CAMK4: variants seen among roughly 807,000 people sequenced by gnomAD.
CAMK4 encodes calcium/calmodulin-dependent protein kinase type IV.
In CAMK4, 22 loss-of-function variants were observed where a neutral mutation model predicts 44.9. That is an observed-to-expected ratio of 0.49 (90% confidence interval 0.35 to 0.70). The LOEUF is 0.70. CAMK4 is among the 30% of genes least tolerant of loss of function. CAMK4 has a pLI of 0.01. For missense variants in CAMK4, 498 were observed against 586.8 expected (o/e 0.85, Z 1.56); for synonymous variants, 218 against 215.4 (o/e 1.01, Z -0.11).
intron 5 of CAMK4, among the ~76,000 whole-genome samples, chr5:111,446,161 G>C (rs1754020925): frequency 6.6e-6 from 1 of 152,198 alleles, no homozygotes; most frequent in African/African-American, 2.4e-5. Context: ...GCCTATGAGT[G>C]CATCCATCAT....
chr5:111,233,708 G>A (rs1168261337), intron 1 of CAMK4, among the ~76,000 whole-genome samples: 2 of 152,106 alleles, frequency 1.3e-5, no homozygotes, highest in African/African-American at 4.8e-5. Context: ...CCATTTGCTA[G>A]TATTAGCTGT....
At chr5:111,296,516 T>G (rs903273058) in intron 1 of CAMK4, among the ~76,000 whole-genome samples, 2 of 152,244 alleles carry the variant, frequency 1.3e-5, no homozygotes, top group Non-Finnish European at 2.9e-5. Context: ...TTTTTTACAT[T>G]TATTTAAATT....
At chr5:111,231,582 T>C (rs989616781) in intron 1 of CAMK4, among the ~76,000 whole-genome samples, 2 of 152,236 alleles carry the variant, frequency 1.3e-5, no homozygotes, top group African/African-American at 4.8e-5. Flanking sequence ...ATTGATAGAT[T>C]ATGTTAATTT....
At chr5:111,332,099 C>G (rs1749191427) in intron 1 of CAMK4, among the ~76,000 whole-genome samples, 1 of 151,514 alleles carries the variant, frequency 6.6e-6, no homozygotes, top group East Asian at 2.0e-4. Context: ...TATTATTATA[C>G]TTTAAGTTTT....
chr5:111,363,054 A>G lies in CAMK4; in HGVS notation c.241-11796A>G, dbSNP rs1366180. 7.6e-3 allele frequency among the ~76,000 whole-genome samples: 1,156 copies of G among 152,228 alleles called. 5 individuals are homozygous for G. Among genetic ancestry groups the G allele is most frequent in the Non-Finnish European group, 0.013 (894 of 68,000 alleles). ...ACGGGATTTCTATCTGGCAGCTATA[A>G]AAGCTCTATAGCCTGAAATGGGGGA... On this transcript the variant is annotated intron_variant, in intron 2 of 10. Transcript: ENST00000282356.
intron 7 of CAMK4, among the ~76,000 whole-genome samples, chr5:111,470,693 A>G (rs148761663): frequency 2.5e-4 from 38 of 152,316 alleles, no homozygotes; most frequent in African/African-American, 8.2e-4. Context: ...ATAAAGAAAC[A>G]AAAAGAAGTC....
chr5:111,413,531 C>T (rs989926152), intron 5 of CAMK4, among the ~76,000 whole-genome samples: 1 of 150,808 alleles, frequency 6.6e-6, no homozygotes, highest in Non-Finnish European at 1.5e-5. Flanking sequence ...GAGCCAAGAT[C>T]GTGCCACTGC....
At chr5:111,434,603 G>C (rs1161236002) in intron 5 of CAMK4, among the ~76,000 whole-genome samples, 1 of 152,128 alleles carries the variant, frequency 6.6e-6, no homozygotes, top group Non-Finnish European at 1.5e-5. Flanking sequence ...GCTGGTCATG[G>C]GAGATAGTAG....
At chr5:111,420,172 T>A (rs1035810626) in intron 5 of CAMK4, among the ~76,000 whole-genome samples, 1 of 151,620 alleles carries the variant, frequency 6.6e-6, no homozygotes, top group Admixed American at 6.6e-5. Context: ...CCTTGTAAGT[T>A]GGATTCCTAG....
intron 1 of CAMK4, among the ~76,000 whole-genome samples, chr5:111,310,151 T>C (rs1460851750): frequency 1.3e-5 from 2 of 151,424 alleles, no homozygotes; most frequent in African/African-American, 4.9e-5. Context: ...TTAACTGTGC[T>C]CCTCCGTCAT....
intron 2 of CAMK4, among the ~76,000 whole-genome samples, chr5:111,353,536 A>T (rs893300776): frequency 6.6e-6 from 1 of 152,144 alleles, no homozygotes; most frequent in African/African-American, 2.4e-5. Context: ...GCAGCATTTA[A>T]ATGAGAATTC....
rs1232533374 is a variant in CAMK4, at chr5:111,492,519, G to A, written c.*8053G>A. On this transcript the variant is annotated 3_prime_UTR_variant, in exon 11 of 11. Transcript: ENST00000282356. ...CCCTGCCCATCTTCTTGATTGCTCA[G>A]TTTGAAGACGATCATTGATGGACAA... 6.6e-6 allele frequency: 1 copy of A among 152,164 alleles called. No individual in the cohort carries two copies. Among genetic ancestry groups the A allele is most frequent in the Non-Finnish European group, 1.5e-5 (1 of 68,024 alleles). 9.4% of individuals were successfully genotyped at this position (152,164 alleles called of 1,614,324 possible). A position where few individuals can be genotyped will look rare whatever the true frequency, so the allele number is the denominator to read the frequency against.
rs1755561105 is a variant in CAMK4, at chr5:111,484,906, A to AT, written c.*444dup. On this transcript the variant is annotated 3_prime_UTR_variant, in exon 11 of 11. Transcript: ENST00000282356. The surrounding 1 kb of genome is among the most constrained non-coding windows in gnomAD (Gnocchi z 5.3). ...GACATGTTCCCATAACTTTTACAAC[A>AT]TTTTACTTTTTATCATTGATGTGTT... 1 of 152,994 alleles carries AT rather than the reference A, an allele frequency of 6.5e-6. No individual in the cohort carries two copies. Among genetic ancestry groups the AT allele is most frequent in the African/African-American group, 2.4e-5 (1 of 41,484 alleles). The allele number at this position is 152,994 out of a possible 1,614,324, so 9.5% of individuals were successfully genotyped here.
At chr5:111,280,199 G>GA (rs1750951186) in intron 1 of CAMK4, among the ~76,000 whole-genome samples, 1 of 151,644 alleles carries the variant, frequency 6.6e-6, no homozygotes, top group Non-Finnish European at 1.5e-5. Flanking sequence ...GGATTATTTT[G>GA]AAACAGAACA....
At chr5:111,240,323 A>G (rs555429374) in intron 1 of CAMK4, among the ~76,000 whole-genome samples, 2 of 152,046 alleles carry the variant, frequency 1.3e-5, no homozygotes, top group East Asian at 1.9e-4. Context: ...AAAAAAACCC[A>G]TAAGTAGTAA....
At chr5:111,273,895 T>C (rs1031918755) in intron 1 of CAMK4, among the ~76,000 whole-genome samples, 1 of 151,648 alleles carries the variant, frequency 6.6e-6, no homozygotes, top group African/African-American at 2.4e-5. Flanking sequence ...TTAGTCTGTG[T>C]GTCCTGCAGG....
chr5:111,379,934 G>T (rs1236662941), intron 4 of CAMK4, among the ~76,000 whole-genome samples: 2 of 151,936 alleles, frequency 1.3e-5, no homozygotes, highest in East Asian at 1.9e-4. Context: ...AGAAATTTTG[G>T]AATAAAATCC....
chr5:111,466,550 A>C (rs1754842439), intron 7 of CAMK4, among the ~76,000 whole-genome samples: 1 of 152,208 alleles, frequency 6.6e-6, no homozygotes, highest in African/African-American at 2.4e-5. Context: ...GCGATACACC[A>C]ACAGCAAACA....
At chr5:111,286,582 C>G (rs1041716262) in intron 1 of CAMK4, among the ~76,000 whole-genome samples, 4 of 152,074 alleles carry the variant, frequency 2.6e-5, no homozygotes, top group African/African-American at 9.7e-5. Context: ...GTCTCAAGGG[C>G]AGGACTCAAA....
Sources: allele counts gnomAD v4.1 joint callset (sites outside exome capture counted in the v4.1 genomes callset), GRCh38; gene constraint gnomAD v4.1.1; non-coding constraint Gnocchi (gnomAD v3.1); transcripts MANE v1.5; gene names NCBI Gene and HGNC (gene_info 2026-07-23, HGNC 2026-07-21).